The following RASGEF1A variants were observed in gnomAD, a reference collection of about 807,000 sequenced individuals.
RASGEF1A encodes the protein RasGEF domain family member 1A.
RASGEF1A carries 18 observed loss-of-function variants against 56.4 expected under a neutral mutation model. The ratio of observed to expected loss-of-function variants is 0.32; its 90% CI spans 0.22 to 0.47. RASGEF1A has a LOEUF of 0.47. Among genes scored for constraint, RASGEF1A ranks in the 20% least tolerant of loss-of-function variants. The pLI, the probability that RASGEF1A is intolerant of heterozygous loss-of-function variation, is 1.00. For synonymous variants in RASGEF1A, 245 were observed against 242.6 expected (o/e 1.01, Z -0.09); for missense variants, 422 against 627.1 (o/e 0.67, Z 3.49).
At chr10:43,229,509 G>T in intron 1 of RASGEF1A, 1 of 688,850 alleles carries the variant, frequency 1.5e-6, no homozygotes, top group South Asian at 2.2e-5. Context: ...AGAGGGCGGC[G>T]CGCGGGTCCT....
intron 1 of RASGEF1A, among the ~76,000 whole-genome samples, chr10:43,241,756 A>T (rs189127566): frequency 3.9e-4 from 59 of 152,296 alleles, no homozygotes; most frequent in Admixed American, 1.8e-3. Context: ...AGAGTCAGAG[A>T]TTATCAGAGT....
chr10:43,203,901 TCATCAGCAGGGGCGGGGCCC>T lies in RASGEF1A; in HGVS notation c.199-501_199-482del, dbSNP rs774027250. 2,534 of 461,068 alleles carry T rather than the reference TCATCAGCAGGGGCGGGGCCC, an allele frequency of 5.5e-3. 43 individuals carry two copies. The highest frequency in any genetic ancestry group is 0.043 in the African/African-American group (1,981 of 46,162). The allele number at this position is 461,068 out of a possible 1,614,324, so 28.6% of individuals were successfully genotyped here. On this transcript the variant is annotated intron_variant, in intron 2 of 12. Transcript: ENST00000395810. ...CAGGGCTGATCCATGGGGCGGGGCC[TCATCAGCAGGGGCGGGGCCC>T]CATCAGCAGGGGCGGGGCCCCATCA...
At position 43,195,220 on chromosome 10, in the gene RASGEF1A, A is replaced by C. The variant is rs1839779137; in HGVS notation, c.*1024T>G. The C allele has an allele frequency of 6.6e-6, 1 of 152,304 alleles. No individual in the cohort carries two copies. Among genetic ancestry groups the C allele is most frequent in the African/African-American group, 2.4e-5 (1 of 41,470 alleles). The allele number at this position is 152,304 out of a possible 1,614,324, so 9.4% of individuals were successfully genotyped here. On this transcript the variant is annotated 3_prime_UTR_variant, in exon 13 of 13. Transcript: ENST00000395810. This position sits in a 1 kb window ranked among gnomAD's most constrained non-coding sequence, Gnocchi z 4.2. ...CACGAAGTCAGACATGGGAAAATGGAGTGTGCTCCTCTAGCTGGGTGTAGA... is the reference window on the plus strand; with the variant it reads ...CACGAAGTCAGACATGGGAAAATGGCGTGTGCTCCTCTAGCTGGGTGTAGA...
intron 1 of RASGEF1A, among the ~76,000 whole-genome samples, chr10:43,217,128 C>A (rs950359545): frequency 6.6e-6 from 1 of 152,138 alleles, no homozygotes; most frequent in African/African-American, 2.4e-5. Context: ...GGAGCACAAG[C>A]GAGGGGAGCC....
rs1388640137 is a variant in RASGEF1A, at chr10:43,200,790, G to T, written c.558C>A (p.Leu186=). The change falls in exon 5 of 13, where the codon CTC becomes CTA. Residue 186 remains leucine, a synonymous_variant. Coordinates refer to ENST00000395810, the MANE Select transcript of RASGEF1A (RefSeq NM_145313.4). ...GCCCCTTGTCTACAGCCGGTGGCCG[G>T]AGCTTCTCTCGCAGTTCCTGGAGCT... ...RSQLQELREK[L]RPPAVDKGPI... is the part of the protein sequence containing the mutation. 1.9e-6 allele frequency: 3 copies of T among 1,613,800 alleles called. No individual in the cohort carries two copies. Among genetic ancestry groups the T allele is most frequent in the Non-Finnish European group, 2.5e-6 (3 of 1,180,034 alleles).
intron 1 of RASGEF1A, among the ~76,000 whole-genome samples, chr10:43,223,143 T>C (rs1330576135): frequency 6.6e-6 from 1 of 152,152 alleles, no homozygotes; most frequent in African/African-American, 2.4e-5. Flanking sequence ...GATGAAAATA[T>C]TGCAGTGCAT....
chr10:43,217,925 C>T (rs1029934635), intron 1 of RASGEF1A, among the ~76,000 whole-genome samples: 2 of 152,192 alleles, frequency 1.3e-5, no homozygotes, highest in African/African-American at 4.8e-5. Context: ...GAGCCCTTGT[C>T]CCATCTGCTG....
At chr10:43,208,486 C>A in intron 1 of RASGEF1A, 2 of 985,708 alleles carry the variant, frequency 2.0e-6, no homozygotes, top group Non-Finnish European at 1.2e-6. Context: ...GAAGGCCACG[C>A]CTTCGAGGGT....
intron 1 of RASGEF1A, among the ~76,000 whole-genome samples, chr10:43,243,634 C>T (rs377601468): frequency 6.6e-6 from 1 of 151,004 alleles, no homozygotes; most frequent in African/African-American, 2.4e-5. Context: ...TGCCTGGCTG[C>T]CCCGCCTGGG....
chr10:43,196,600 T>A lies in RASGEF1A; in HGVS notation c.1349-52A>T. 2 of 1,514,454 alleles carry A rather than the reference T, an allele frequency of 1.3e-6. No individual in the cohort carries two copies. The highest frequency in any genetic ancestry group is 1.8e-6 in the Non-Finnish European group (2 of 1,095,784). 93.8% of individuals were successfully genotyped at this position (1,514,454 alleles called of 1,614,324 possible). A position where few individuals can be genotyped will look rare whatever the true frequency, so the allele number is the denominator to read the frequency against. On this transcript the variant is annotated intron_variant, in intron 11 of 12. Transcript: ENST00000395810. The surrounding 1 kb of genome is among the most constrained non-coding windows in gnomAD (Gnocchi z 4.6). ...CCTGTGTCCCCATGCAGTGTCTGCC[T>A]GAACCCAGCTGTCCCTTCAGGAGTA...
At chr10:43,243,102 C>T (rs1335461365) in intron 1 of RASGEF1A, among the ~76,000 whole-genome samples, 1 of 151,608 alleles carries the variant, frequency 6.6e-6, no homozygotes, top group African/African-American at 2.4e-5. Context: ...CTCTGCCTGG[C>T]CGCCCATCGT....
At chr10:43,241,016 G>C (rs1840491815) in intron 1 of RASGEF1A, among the ~76,000 whole-genome samples, 1 of 152,126 alleles carries the variant, frequency 6.6e-6, no homozygotes, top group Non-Finnish European at 1.5e-5. Context: ...GAAATTACCT[G>C]ACAAATAAAA....
At chr10:43,266,811 C>G (rs1157915787) in intron 1 of RASGEF1A, 34 bp downstream of exon 1, 1 of 145,926 alleles carries the variant, frequency 6.9e-6, no homozygotes, top group Non-Finnish European at 1.5e-5. Flanking sequence ...GGGCGGGGGC[C>G]CCGAGGCACT....
chr10:43,224,226 T>C (rs1463456028), intron 1 of RASGEF1A, among the ~76,000 whole-genome samples: 1 of 152,202 alleles, frequency 6.6e-6, no homozygotes. Context: ...AACTACACAA[T>C]TCATATTGAA....
At chr10:43,205,791 C>T (rs1839985536) in intron 2 of RASGEF1A, 128 bp downstream of exon 2, 4 of 748,192 alleles carry the variant, frequency 5.3e-6, no homozygotes, top group South Asian at 3.5e-5. Flanking sequence ...CTGGGCCCCC[C>T]ACTGCCCTGC....
In RASGEF1A at chr10:43,263,276, G is replaced by A. The variant is rs952641; in HGVS notation, c.-7+3569C>T. The stretch of plus-strand genomic sequence containing the variant: ...ATGGGTGTCTGGGAACAAGGCAGTG[G>A]ACATCCACGGCCTCTCAAGAAGACA... On this transcript the variant is annotated intron_variant, in intron 1 of 12. Coordinates refer to ENST00000395810, the MANE Select transcript of RASGEF1A (RefSeq NM_145313.4). 1.6e-3 allele frequency among the ~76,000 whole-genome samples: 248 copies of A among 152,262 alleles called. 13 individuals carry two copies. In the South Asian group the frequency reaches 0.048, roughly 29 times the overall value.
intron 10 of RASGEF1A, 121 bp from the exon 11 acceptor site, chr10:43,197,220 G>T: frequency 2.5e-6 from 3 of 1,197,978 alleles, no homozygotes; most frequent in South Asian, 1.4e-5. Context: ...CCAGCAAGAT[G>T]GGACAGTGGC....
intron 1 of RASGEF1A, among the ~76,000 whole-genome samples, chr10:43,266,018 G>A (rs934322373): frequency 6.6e-6 from 1 of 152,206 alleles, no homozygotes. Context: ...GAGGGAGGGA[G>A]CCCCGGCCAC....
chr10:43,235,995 A>T (rs1435564203), intron 1 of RASGEF1A, among the ~76,000 whole-genome samples: 1 of 152,156 alleles, frequency 6.6e-6, no homozygotes, highest in Non-Finnish European at 1.5e-5. Flanking sequence ...ACAAAGTGAG[A>T]CACAGATAAT....
Sources: gnomAD v4.1 joint callset for allele counts (sites outside exome capture counted in the v4.1 genomes callset) on GRCh38, gnomAD v4.1.1 for gene constraint, Gnocchi (gnomAD v3.1) non-coding constraint, MANE v1.5 for transcripts, NCBI Gene and HGNC (gene_info 2026-07-23, HGNC 2026-07-21) for gene names.